Variants in CFAP299 observed in about 807,000 individuals in gnomAD.
CFAP299 encodes cilia and flagella associated protein 299.
Under a neutral mutation model 27.0 loss-of-function variants are expected in CFAP299, and 21 were observed. The ratio of observed to expected loss-of-function variants is 0.78; its 90% CI spans 0.55 to 1.12. CFAP299 has a LOEUF of 1.12. Ranked by LOEUF, CFAP299 falls within the 50% of genes most tolerant of loss-of-function variation. CFAP299 has a pLI of 0.00. For missense variants in CFAP299, 310 were observed against 276.6 expected, an observed-to-expected ratio of 1.12 and a Z score of -0.86; for synonymous variants, 104 against 98.1, an observed-to-expected ratio of 1.06 and a Z score of -0.36.
At chr4:80,850,235 G>C (rs954049876) in intron 3 of CFAP299, among the ~76,000 whole-genome samples, 95 of 151,746 alleles carry the variant, frequency 6.3e-4, no homozygotes, top group Non-Finnish European at 1.3e-4. Context: ...CGGTGGGGGG[G>C]GTGATAAAAG....
chr4:80,870,149 A>G lies in CFAP299; in HGVS notation c.476+14A>G, dbSNP rs567083951. Reference sequence around the variant, plus strand: ...TACAGATATAAGGTAAATTACATACAATTTTTGCACCCTTAGAGGCAGGGA... The same window carrying G: ...TACAGATATAAGGTAAATTACATACGATTTTTGCACCCTTAGAGGCAGGGA... On this transcript the variant is annotated intron_variant, in intron 4 of 5. Transcript: ENST00000358105. The G allele has an allele frequency of 3.8e-6, 6 of 1,590,118 alleles. No homozygotes were observed. In the South Asian group the frequency reaches 6.9e-5, roughly 18 times the overall value.
intron 2 of CFAP299, among the ~76,000 whole-genome samples, chr4:80,563,989 A>C (rs1190314537): frequency 6.6e-6 from 1 of 152,082 alleles, no homozygotes; most frequent in African/African-American, 2.4e-5. Flanking sequence ...AATAATGAAG[A>C]AGTCCAAAAC....
chr4:80,940,777 A>G (rs983839424), intron 4 of CFAP299, among the ~76,000 whole-genome samples: 3 of 152,206 alleles, frequency 2.0e-5, no homozygotes, highest in East Asian at 1.9e-4. Context: ...CTAAAAAATT[A>G]TACCTTGTAA....
chr4:80,702,596 G>A (rs1721567961), intron 3 of CFAP299, among the ~76,000 whole-genome samples: 1 of 151,670 alleles, frequency 6.6e-6, no homozygotes, highest in Admixed American at 6.6e-5. Context: ...TTACTATTTG[G>A]GTAAATTCCG....
At chr4:80,510,387 G>A (rs528402446) in intron 2 of CFAP299, among the ~76,000 whole-genome samples, 1 of 152,226 alleles carries the variant, frequency 6.6e-6, no homozygotes, top group Admixed American at 6.5e-5. Context: ...CCAGAGAATT[G>A]TGGTGTTACA....
At chr4:80,477,107 T>A (rs570580909) in intron 2 of CFAP299, among the ~76,000 whole-genome samples, 1 of 152,158 alleles carries the variant, frequency 6.6e-6, no homozygotes, top group Admixed American at 6.5e-5. Context: ...CAAGTTAGAG[T>A]GTGGAGGTGC....
rs75051237 is a variant in CFAP299, at chr4:80,731,261, G to C, written c.334-138732G>C. 1.6e-3 allele frequency among the ~76,000 whole-genome samples: 241 copies of C among 152,254 alleles called. 1 individual carries two copies. The highest frequency in any genetic ancestry group is 5.6e-3 in the African/African-American group (234 of 41,552). On this transcript the variant is annotated intron_variant, in intron 3 of 5. Coordinates refer to ENST00000358105, the MANE Select transcript of CFAP299 (RefSeq NM_152770.3). ...CACATACTGAAGCTGGTACGAGGGG[G>C]TCCCATGTTGCTAAAATACGTGTTA... is the stretch of plus-strand genomic sequence containing the variant.
chr4:80,332,530 A>G (rs1287830526), upstream of CFAP299, among the ~76,000 whole-genome samples: 10 of 152,232 alleles, frequency 6.6e-5, no homozygotes, highest in Admixed American at 6.5e-4. Context: ...CAATGGAAGA[A>G]GTAAAACGTT....
At chr4:80,387,111 G>A in intron 2 of CFAP299, 4 of 1,441,668 alleles carry the variant, frequency 2.8e-6, no homozygotes, top group Middle Eastern at 1.7e-4. Flanking sequence ...GGCCTCTGGG[G>A]TGGATATTTG....
chr4:80,659,252 A>G (rs1018632175), intron 3 of CFAP299, among the ~76,000 whole-genome samples: 27 of 152,074 alleles, frequency 1.8e-4, no homozygotes, highest in African/African-American at 4.6e-4. Flanking sequence ...ATTATTCAAC[A>G]AAATACAAAA....
chr4:80,608,411 T>C, intron 3 of CFAP299: 2 of 1,457,210 alleles, frequency 1.4e-6, no homozygotes, highest in Non-Finnish European at 1.9e-6. Context: ...AAAAGTTTCC[T>C]TTACAAGTTA....
chr4:80,477,698 C>T (rs969355125), intron 2 of CFAP299, among the ~76,000 whole-genome samples: 1 of 152,188 alleles, frequency 6.6e-6, no homozygotes, highest in Non-Finnish European at 1.5e-5. Flanking sequence ...CGACACCTAG[C>T]ACCTACTGTT....
chr4:80,567,731 T>TTATATATATATATATATATATATATATA (rs10605376), intron 2 of CFAP299, among the ~76,000 whole-genome samples: 3 of 148,782 alleles, frequency 2.0e-5, no homozygotes, highest in Admixed American at 6.7e-5. Context: ...TCTAATGTAT[T>TTATATATATATATATATATATATATATA]TATATATATA....
chr4:80,332,567 C>T (rs1270395836), upstream of CFAP299, among the ~76,000 whole-genome samples: 1 of 152,108 alleles, frequency 6.6e-6, no homozygotes, highest in African/African-American at 2.4e-5. Context: ...AGCTTGTATA[C>T]AGCATTTGAC....
intron 3 of CFAP299, among the ~76,000 whole-genome samples, chr4:80,713,680 A>G (rs1722304920): frequency 6.6e-6 from 1 of 152,214 alleles, no homozygotes; most frequent in East Asian, 1.9e-4. Flanking sequence ...TAGTCACACA[A>G]CTAAGCAGTG....
At chr4:80,561,279 A>G (rs1735024127) in intron 2 of CFAP299, among the ~76,000 whole-genome samples, 1 of 152,208 alleles carries the variant, frequency 6.6e-6, no homozygotes, top group South Asian at 2.1e-4. Flanking sequence ...CCCCTAAAGC[A>G]GATACACCTT....
At chr4:80,397,864 G>T (rs1725898665) in intron 2 of CFAP299, among the ~76,000 whole-genome samples, 1 of 152,214 alleles carries the variant, frequency 6.6e-6, no homozygotes, top group African/African-American at 2.4e-5. Flanking sequence ...AAGAAATAAA[G>T]GGTATTCGAT....
At chr4:80,595,864 T>C (rs1317017289) in intron 3 of CFAP299, among the ~76,000 whole-genome samples, 6 of 152,178 alleles carry the variant, frequency 3.9e-5, no homozygotes, top group African/African-American at 1.4e-4. Context: ...GAAAAATATT[T>C]GAGGAGGAGG....
intron 2 of CFAP299, among the ~76,000 whole-genome samples, chr4:80,577,671 G>A (rs1313997891): frequency 3.9e-5 from 6 of 152,016 alleles, no homozygotes; most frequent in Non-Finnish European, 8.8e-5. Flanking sequence ...AAAATGCTGG[G>A]ATTACAGGCA....
Sources: gnomAD v4.1 joint callset for allele counts (sites outside exome capture counted in the v4.1 genomes callset) on GRCh38, gnomAD v4.1.1 for gene constraint, MANE v1.5 for transcripts, NCBI Gene and HGNC (gene_info 2026-07-23, HGNC 2026-07-21) for gene names.